The following TMC1 variants were observed in gnomAD, a reference collection of about 807,000 sequenced individuals.
TMC1 encodes transmembrane channel-like protein 1.
In TMC1, 84 loss-of-function variants were observed where a neutral mutation model predicts 105.8. The ratio of observed to expected loss-of-function variants is 0.79; its 90% CI spans 0.67 to 0.95. The LOEUF is 0.95. Among genes scored for constraint, TMC1 ranks in the 40% least tolerant of loss-of-function variants. TMC1 has a pLI of 0.00. For missense variants in TMC1, 817 were observed against 914.1 expected, an observed-to-expected ratio of 0.89 and a Z score of 1.37; for synonymous variants, 315 against 311.5, an observed-to-expected ratio of 1.01 and a Z score of -0.12.
intron 13 of TMC1, among the ~76,000 whole-genome samples, chr9:72,783,392 G>T (rs981700618): frequency 4.6e-5 from 7 of 152,158 alleles, no homozygotes; most frequent in African/African-American, 1.7e-4. Flanking sequence ...GAAGAACCTG[G>T]AGTCTGATAT....
intron 1 of TMC1, among the ~76,000 whole-genome samples, chr9:72,541,686 C>T (rs1823680632): frequency 1.1e-5 from 1 of 94,984 alleles, no homozygotes; most frequent in East Asian, 2.5e-4. Context: ...AAAACTCCAT[C>T]TCAAAAAAAA....
intron 13 of TMC1, among the ~76,000 whole-genome samples, chr9:72,783,014 C>A (rs1015127964): frequency 3.3e-5 from 5 of 152,048 alleles, no homozygotes; most frequent in Non-Finnish European, 7.4e-5. Flanking sequence ...ATTTAAAAAG[C>A]TGGAGGCATC....
chr9:72,670,559 T>A (rs1826112674), intron 5 of TMC1, among the ~76,000 whole-genome samples: 1 of 152,018 alleles, frequency 6.6e-6, no homozygotes, highest in Admixed American at 6.6e-5. Flanking sequence ...TACCCATAAT[T>A]CCAAGAAAAA....
chr9:72,743,489 C>G (rs1315019663), intron 10 of TMC1, among the ~76,000 whole-genome samples: 1 of 150,750 alleles, frequency 6.6e-6, no homozygotes. Flanking sequence ...ATCACTTGAA[C>G]CCGAGAGGCG....
intron 8 of TMC1, among the ~76,000 whole-genome samples, chr9:72,733,113 C>T (rs954887008): frequency 6.6e-6 from 1 of 152,042 alleles, no homozygotes; most frequent in Admixed American, 6.5e-5. Context: ...TAACATTTTA[C>T]AATTTAGTGC....
At position 72,665,919 on chromosome 9, in the gene TMC1, A is replaced by C. The variant is rs990754855; in HGVS notation, c.16+17255A>C. 2.0e-5 allele frequency among the ~76,000 whole-genome samples: 3 copies of C among 152,320 alleles called. No homozygotes were observed. The East Asian group carries it at 5.8e-4, about 29-fold the overall frequency. On this transcript the variant is annotated intron_variant, in intron 5 of 23. Transcript: ENST00000297784. Reference sequence around the variant, plus strand: ...TTCTCCATGAAGAAGAATGACCTGCATGATGGCTTTCAGAAGTGGAGAACA... The same window carrying C: ...TTCTCCATGAAGAAGAATGACCTGCCTGATGGCTTTCAGAAGTGGAGAACA...
chr9:72,829,250 T>A (rs1187899079), intron 21 of TMC1, among the ~76,000 whole-genome samples: 1 of 152,212 alleles, frequency 6.6e-6, no homozygotes, highest in Non-Finnish European at 1.5e-5. Context: ...CCCCAATGGA[T>A]TATATTAAAT....
chr9:72,754,173 C>T (rs1827634584), intron 11 of TMC1, among the ~76,000 whole-genome samples: 3 of 152,080 alleles, frequency 2.0e-5, no homozygotes, highest in Non-Finnish European at 4.4e-5. Context: ...CTATTCTTGC[C>T]CTCTCACTGG....
intron 17 of TMC1, among the ~76,000 whole-genome samples, chr9:72,797,062 A>G (rs1367458528): frequency 6.6e-6 from 1 of 152,120 alleles, no homozygotes; most frequent in Non-Finnish European, 1.5e-5. Context: ...TCGCATTCTT[A>G]TACACCAACA....
chr9:72,806,326 C>CG (rs1331032511), intron 18 of TMC1, among the ~76,000 whole-genome samples: 1 of 144,872 alleles, frequency 6.9e-6, no homozygotes, highest in Admixed American at 6.7e-5. Flanking sequence ...ACCTCCTGGA[C>CG]GGGGCGGCTG....
intron 20 of TMC1, among the ~76,000 whole-genome samples, chr9:72,822,897 A>G (rs1828898576): frequency 1.3e-5 from 2 of 152,236 alleles, no homozygotes. Context: ...TTAGACATGA[A>G]CAATAGTTGC....
At chr9:72,769,517 T>C (rs1439588336) in intron 12 of TMC1, among the ~76,000 whole-genome samples, 2 of 152,164 alleles carry the variant, frequency 1.3e-5, no homozygotes, top group African/African-American at 4.8e-5. Flanking sequence ...CATGTCTCCA[T>C]CCATGCTCTA....
intron 1 of TMC1, among the ~76,000 whole-genome samples, chr9:72,539,479 A>G (rs149134493): frequency 1.2e-3 from 176 of 151,428 alleles, no homozygotes; most frequent in African/African-American, 4.2e-3. Flanking sequence ...GCCTTCCACA[A>G]ATCCATAGGG....
chr9:72,591,306 C>T (rs1158012506), intron 2 of TMC1, among the ~76,000 whole-genome samples: 18 of 152,114 alleles, frequency 1.2e-4, no homozygotes, highest in Non-Finnish European at 2.4e-4. Flanking sequence ...CCTTGGCTTT[C>T]CAGAGGAAAC....
intron 8 of TMC1, among the ~76,000 whole-genome samples, chr9:72,716,711 G>T (rs2117930466): frequency 6.6e-6 from 1 of 152,252 alleles, no homozygotes; most frequent in South Asian, 2.1e-4. Context: ...CGTGGGAGTG[G>T]GACCCACTGA....
intron 13 of TMC1, among the ~76,000 whole-genome samples, chr9:72,778,005 C>A (rs1204411496): frequency 1.3e-5 from 2 of 152,170 alleles, no homozygotes; most frequent in Non-Finnish European, 1.5e-5. Context: ...AGAGAACTAT[C>A]CAGTACCTGG....
intron 2 of TMC1, among the ~76,000 whole-genome samples, chr9:72,615,876 C>A (rs548346975): frequency 2.0e-4 from 30 of 151,892 alleles, no homozygotes; most frequent in African/African-American, 7.0e-4. Context: ...GCCTTAGCCT[C>A]CTGAGTAGCT....
At chr9:72,736,699 C>T (rs1428601099) in intron 8 of TMC1, among the ~76,000 whole-genome samples, 1 of 152,108 alleles carries the variant, frequency 6.6e-6, no homozygotes, top group African/African-American at 2.4e-5. Context: ...AATATGATAA[C>T]TCCTATGTAT....
intron 5 of TMC1, among the ~76,000 whole-genome samples, chr9:72,675,683 A>G (rs542322170): frequency 6.6e-6 from 1 of 152,178 alleles, no homozygotes; most frequent in Non-Finnish European, 1.5e-5. Context: ...AAACAAAAAA[A>G]TCACTTACAA....
Sources: gnomAD v4.1 joint callset for allele counts (sites outside exome capture counted in the v4.1 genomes callset) on GRCh38, gnomAD v4.1.1 for gene constraint, MANE v1.5 for transcripts, NCBI Gene and HGNC (gene_info 2026-07-23, HGNC 2026-07-21) for gene names.